The following JAZF1 variants were observed in gnomAD, a reference collection of about 807,000 sequenced individuals.
The protein encoded by JAZF1 is JAZF zinc finger 1.
In JAZF1, 8 loss-of-function variants were observed where a neutral mutation model predicts 26.4. The observed-to-expected ratio is 0.30, with a 90% confidence interval of 0.18 to 0.55. The LOEUF (loss-of-function observed/expected upper bound fraction) is 0.55. JAZF1 is among the 20% of genes least tolerant of loss of function. The probability of loss-of-function intolerance (pLI) is 0.94; values close to 1 mark genes in which losing one functional copy is unlikely to be tolerated. For missense variants in JAZF1, 199 were observed against 322.0 expected, an observed-to-expected ratio of 0.62 and a Z score of 2.92; for synonymous variants, 126 against 122.3, an observed-to-expected ratio of 1.03 and a Z score of -0.20.
intron 1 of JAZF1, among the ~76,000 whole-genome samples, chr7:28,036,049 A>C (rs1205423495): frequency 6.6e-6 from 1 of 152,226 alleles, no homozygotes; most frequent in African/African-American, 2.4e-5. Context: ...CTATAAGTAC[A>C]TGTATGTGAG....
intron 1 of JAZF1, among the ~76,000 whole-genome samples, chr7:28,048,930 T>C (rs1480976489): frequency 1.3e-5 from 2 of 152,090 alleles, no homozygotes; most frequent in African/African-American, 4.8e-5. Context: ...TTTCTATTTA[T>C]ACGAAATGTC....
At chr7:28,084,570 T>C (rs1784184863) in intron 1 of JAZF1, among the ~76,000 whole-genome samples, 1 of 152,114 alleles carries the variant, frequency 6.6e-6, no homozygotes, top group Non-Finnish European at 1.5e-5. Context: ...TATTAAAAAG[T>C]GTATGGGTTC....
At chr7:28,158,148 C>T (rs564578508) in intron 1 of JAZF1, among the ~76,000 whole-genome samples, 22 of 125,278 alleles carry the variant, frequency 1.8e-4, no homozygotes, top group Admixed American at 1.4e-3. Context: ...AAAACACGCG[C>T]GCACACACAC....
At chr7:27,867,812 T>G (rs1783503210) in intron 3 of JAZF1, among the ~76,000 whole-genome samples, 1 of 152,218 alleles carries the variant, frequency 6.6e-6, no homozygotes, top group African/African-American at 2.4e-5. Context: ...CCAGTGCCAT[T>G]CATGTCCTAC....
intron 3 of JAZF1, among the ~76,000 whole-genome samples, chr7:27,847,151 CT>C (rs80005826): frequency 9.0e-4 from 123 of 136,342 alleles, no homozygotes; most frequent in East Asian, 1.6e-3. Context: ...GGCTTTTTTT[CT>C]TTTTTTTTTT....
intron 1 of JAZF1, among the ~76,000 whole-genome samples, chr7:28,158,437 A>G (rs1783228111): frequency 6.6e-6 from 1 of 152,234 alleles, no homozygotes. Flanking sequence ...CAGAGACTCC[A>G]GCTGGCACAA....
chr7:28,071,269 C>T (rs1028063614), intron 1 of JAZF1, among the ~76,000 whole-genome samples: 7 of 152,124 alleles, frequency 4.6e-5, no homozygotes, highest in Non-Finnish European at 1.0e-4. Context: ...GCGTTCATAA[C>T]GTTATGAAAA....
intron 1 of JAZF1, among the ~76,000 whole-genome samples, chr7:28,083,475 C>G (rs1429330796): frequency 6.6e-6 from 1 of 152,174 alleles, no homozygotes; most frequent in Non-Finnish European, 1.5e-5. Context: ...CTCCACAGCT[C>G]ACATGCTATG....
intron 2 of JAZF1, among the ~76,000 whole-genome samples, chr7:27,937,099 T>C (rs1784773288): frequency 6.6e-6 from 1 of 152,240 alleles, no homozygotes; most frequent in Non-Finnish European, 1.5e-5. Context: ...CATGCACTTC[T>C]ATTGCTTGGT....
intron 1 of JAZF1, among the ~76,000 whole-genome samples, chr7:28,021,162 G>A (rs569944546): frequency 2.0e-5 from 3 of 152,212 alleles, no homozygotes; most frequent in East Asian, 1.9e-4. Flanking sequence ...GGCAAGCGGC[G>A]GACACGGGCC....
chr7:27,872,957 T>C (rs1050943196), intron 3 of JAZF1, among the ~76,000 whole-genome samples: 5 of 152,188 alleles, frequency 3.3e-5, no homozygotes, highest in African/African-American at 1.2e-4. Context: ...TGTTTTATAT[T>C]TGGGAGTTAA....
intron 1 of JAZF1, among the ~76,000 whole-genome samples, chr7:28,004,940 C>G (rs886790738): frequency 1.3e-5 from 2 of 152,186 alleles, no homozygotes; most frequent in Non-Finnish European, 2.9e-5. Context: ...GCGTGAACCA[C>G]AAGACCTACC....
chr7:28,139,799 C>G (rs142449147), intron 1 of JAZF1, among the ~76,000 whole-genome samples: 1 of 152,182 alleles, frequency 6.6e-6, no homozygotes, highest in East Asian at 1.9e-4. Context: ...ATCCACTAAA[C>G]GACTAGGCCT....
chr7:27,987,964 T>C (rs1424214886), intron 2 of JAZF1, among the ~76,000 whole-genome samples: 1 of 152,188 alleles, frequency 6.6e-6, no homozygotes, highest in African/African-American at 2.4e-5. Flanking sequence ...CAAGATGTGC[T>C]TTGTTAAACA....
chr7:28,109,416 C>G (rs1784604273), intron 1 of JAZF1, among the ~76,000 whole-genome samples: 1 of 152,126 alleles, frequency 6.6e-6, no homozygotes, highest in African/African-American at 2.4e-5. Context: ...TAAAAACCAG[C>G]CTATCCTCTT....
intron 1 of JAZF1, among the ~76,000 whole-genome samples, chr7:28,049,183 A>G (rs1783550640): frequency 6.6e-6 from 1 of 151,152 alleles, no homozygotes; most frequent in Admixed American, 6.6e-5. Flanking sequence ...CCTGGGTTCA[A>G]GTGATTCTCC....
intron 3 of JAZF1, among the ~76,000 whole-genome samples, chr7:27,850,947 T>A (rs533678190): frequency 7.8e-4 from 119 of 152,234 alleles, no homozygotes; most frequent in African/African-American, 2.5e-3. Flanking sequence ...ATTTTTAAAA[T>A]AATTTTTTTT....
chr7:27,943,478 A>G (rs1009779542), intron 2 of JAZF1, among the ~76,000 whole-genome samples: 3 of 152,192 alleles, frequency 2.0e-5, no homozygotes, highest in African/African-American at 7.2e-5. Flanking sequence ...AAGGAATGCG[A>G]TCATTTCCGT....
intron 1 of JAZF1, chr7:28,020,534 C>T (rs1276935675): frequency 2.1e-6 from 1 of 470,922 alleles, no homozygotes; most frequent in Non-Finnish European, 4.4e-6. Context: ...CTTGTGGTTA[C>T]AAGTGTCATG....
Sources: allele counts gnomAD v4.1 joint callset (sites outside exome capture counted in the v4.1 genomes callset), GRCh38; gene constraint gnomAD v4.1.1; transcripts MANE v1.5; gene names NCBI Gene and HGNC (gene_info 2026-07-23, HGNC 2026-07-21).